The following ITPRID1 variants were observed in gnomAD, a reference collection of about 807,000 sequenced individuals.
ITPRID1 encodes ITPR interacting domain containing 1.
Under a neutral mutation model 95.4 loss-of-function variants are expected in ITPRID1, and 96 were observed. That is an observed-to-expected ratio of 1.01 (90% CI 0.85 to 1.19). The LOEUF is 1.19. ITPRID1 is among the 50% of genes most tolerant of loss of function. The pLI is 0.00. For missense variants in ITPRID1, 1,339 were observed against 1,252.9 expected (o/e 1.07, Z -1.04); for synonymous variants, 510 against 453.6 (o/e 1.12, Z -1.58).
At chr7:31,543,149 A>G (rs181516902) in intron 1 of ITPRID1, among the ~76,000 whole-genome samples, 1 of 152,260 alleles carries the variant, frequency 6.6e-6, no homozygotes, top group African/African-American at 2.4e-5. Flanking sequence ...TCCAGGGCCT[A>G]GGAAACAAGC....
intron 5 of ITPRID1, among the ~76,000 whole-genome samples, chr7:31,559,502 A>C (rs1203529128): frequency 6.6e-6 from 1 of 152,114 alleles, no homozygotes; most frequent in East Asian, 1.9e-4. Context: ...CTCTACTAAA[A>C]ATACAAAAAA....
Position 31,643,321 on chromosome 7 carries a change from C to T in ITPRID1, c.1951C>T (p.Pro651Ser), listed in dbSNP as rs765660700. ...QCIPKHSEIT[P>S]YATDLAQTSE... ...TATCCCCAAGCACAGTGAAATCACACCTTATGCAACTGACCTTGCTCAAAC... is the reference window on the plus strand; with the variant it reads ...TATCCCCAAGCACAGTGAAATCACATCTTATGCAACTGACCTTGCTCAAAC... The change falls in exon 12 of 15, where the codon CCT (proline) becomes TCT (serine). Residue 651 changes from proline to serine, a missense_variant. Transcript: ENST00000615280. 2 of 1,613,954 alleles carry T rather than the reference C, an allele frequency of 1.2e-6. No homozygotes were observed. Among genetic ancestry groups the T allele is most frequent in the South Asian group, 1.1e-5 (1 of 91,076 alleles).
chr7:31,529,866 C>T, intron 1 of ITPRID1: 1 of 1,451,098 alleles, frequency 6.9e-7, no homozygotes, highest in South Asian at 1.2e-5. Context: ...TTTAATCCAG[C>T]CTGTTGGGGA....
At chr7:31,646,349 G>T (rs549128864) in intron 12 of ITPRID1, among the ~76,000 whole-genome samples, 76 of 152,124 alleles carry the variant, frequency 5.0e-4, no homozygotes, top group Non-Finnish European at 9.3e-4. Context: ...CAGGAGCATG[G>T]TTCTGGGGAT....
intron 10 of ITPRID1, among the ~76,000 whole-genome samples, chr7:31,618,807 T>A (rs1056942201): frequency 2.0e-5 from 3 of 152,254 alleles, no homozygotes; most frequent in Non-Finnish European, 4.4e-5. Context: ...TGACTCCAAA[T>A]GGCATGCCAT....
At chr7:31,658,091 G>A (rs1791378131), downstream of ITPRID1, among the ~76,000 whole-genome samples, 2 of 152,144 alleles carry the variant, frequency 1.3e-5, no homozygotes, top group African/African-American at 4.8e-5. Flanking sequence ...ATGCATGAGG[G>A]AAGACCCAAG....
intron 10 of ITPRID1, among the ~76,000 whole-genome samples, chr7:31,621,209 C>A (rs1386842044): frequency 6.6e-6 from 1 of 151,952 alleles, no homozygotes; most frequent in African/African-American, 2.4e-5. Context: ...GAGAACTTCC[C>A]CAATCTAGCA....
At chr7:31,585,870 G>C (rs1785576684) in intron 10 of ITPRID1, among the ~76,000 whole-genome samples, 1 of 151,544 alleles carries the variant, frequency 6.6e-6, no homozygotes, top group Non-Finnish European at 1.5e-5. Context: ...TTAAGTTTTA[G>C]GGTACATGTG....
At chr7:31,534,338 C>G (rs935501235) in intron 1 of ITPRID1, among the ~76,000 whole-genome samples, 10 of 152,168 alleles carry the variant, frequency 6.6e-5, no homozygotes, top group African/African-American at 2.2e-4. Flanking sequence ...TTCTGAATAT[C>G]TATCTACTTT....
rs568878337 is a variant in ITPRID1, at chr7:31,578,040, G to A, written c.776G>A (p.Arg259Lys). The A allele has an allele frequency of 6.2e-7, 1 of 1,613,872 alleles. No homozygotes were observed. Among genetic ancestry groups the A allele is most frequent in the Admixed American group, 1.7e-5 (1 of 59,992 alleles). The change falls in exon 9 of 15, where the codon AGA (arginine) becomes AAA (lysine). Residue 259 changes from arginine to lysine, a missense_variant. Coordinates refer to ENST00000615280, the MANE Select transcript of ITPRID1 (RefSeq NM_001257967.3). ...AGAAGAATGGGTAAACTCTTAAGGA[G>A]AGCTTCCAAACAGAACATCAGGCGG... is the stretch of plus-strand genomic sequence containing the variant. ...HRRRMGKLLR[R>K]ASKQNIRRDC...
At chr7:31,586,642 T>C (rs938445940) in intron 10 of ITPRID1, among the ~76,000 whole-genome samples, 4 of 152,242 alleles carry the variant, frequency 2.6e-5, no homozygotes, top group African/African-American at 9.6e-5. Context: ...TGTCTTCTTT[T>C]GAGAAGTGTC....
chr7:31,635,878 C>T (rs555889468), intron 10 of ITPRID1, among the ~76,000 whole-genome samples: 1 of 152,076 alleles, frequency 6.6e-6, no homozygotes, highest in East Asian at 1.9e-4. Context: ...CACCATGGCA[C>T]AAGTTTACCT....
intron 10 of ITPRID1, among the ~76,000 whole-genome samples, chr7:31,604,909 G>A (rs1786548098): frequency 6.6e-6 from 1 of 152,178 alleles, no homozygotes. Flanking sequence ...GTTGAGGCAG[G>A]AGGATCACCT....
chr7:31,542,395 A>G (rs891425860), intron 1 of ITPRID1, among the ~76,000 whole-genome samples: 2 of 152,192 alleles, frequency 1.3e-5, no homozygotes, highest in African/African-American at 4.8e-5. Flanking sequence ...TTTTTTTACG[A>G]CTTACACAAT....
At chr7:31,534,154 C>T (rs1027117206) in intron 1 of ITPRID1, among the ~76,000 whole-genome samples, 6 of 152,282 alleles carry the variant, frequency 3.9e-5, no homozygotes, top group Non-Finnish European at 7.4e-5. Flanking sequence ...CCTGCCACCT[C>T]CACAACCCTC....
At chr7:31,522,102 AG>A (rs1783283133) in intron 1 of ITPRID1, among the ~76,000 whole-genome samples, 1 of 152,112 alleles carries the variant, frequency 6.6e-6, no homozygotes. Flanking sequence ...AAGCACCTCC[AG>A]GGACTGCGAA....
At position 31,574,655 on chromosome 7, in the gene ITPRID1, T is replaced by G; in HGVS notation, c.511T>G (p.Cys171Gly). Residue 171 changes from cysteine (C) to glycine (G), a missense_variant, in exon 8 of 15, where the codon TGT becomes GGT. By Grantham distance (159) the Cys-to-Gly change is radical (BLOSUM62 -3). Coordinates refer to ENST00000615280, the MANE Select transcript of ITPRID1 (RefSeq NM_001257967.3). The stretch of plus-strand genomic sequence containing the variant: ...GCAAATCCCAGCCAGATTCCTTGGT[T>G]GTGGCTCAGCAGCCAGAGGAATCAA... ...CMQIPARFLGCGSAARGINIR... is the reference protein window; with the variant it reads ...CMQIPARFLGGGSAARGINIR... 2 of 1,613,960 alleles carry G rather than the reference T, an allele frequency of 1.2e-6. No individual in the cohort carries two copies. Among genetic ancestry groups the G allele is most frequent in the East Asian group, 4.5e-5 (2 of 44,882 alleles).
At chr7:31,612,357 CTTTTG>C (rs1056299285) in intron 10 of ITPRID1, among the ~76,000 whole-genome samples, 14 of 151,906 alleles carry the variant, frequency 9.2e-5, no homozygotes, top group South Asian at 6.2e-4. Context: ...TATTGATTGG[CTTTTG>C]TTTTGTTTTG....
At chr7:31,524,204 A>T (rs61522085) in intron 1 of ITPRID1, among the ~76,000 whole-genome samples, 1 of 152,106 alleles carries the variant, frequency 6.6e-6, no homozygotes, top group African/African-American at 2.4e-5. Flanking sequence ...CTTTCAACCA[A>T]TAATGCAGTG....
Sources: gnomAD v4.1 joint callset for allele counts (sites outside exome capture counted in the v4.1 genomes callset) on GRCh38, gnomAD v4.1.1 for gene constraint, MANE v1.5 for transcripts, NCBI Gene and HGNC (gene_info 2026-07-23, HGNC 2026-07-21) for gene names.